Variants in EDIL3 observed in about 807,000 individuals in gnomAD.
The protein encoded by EDIL3 is EGF like and discoidin domains 3, also known as EGF-like repeat and discoidin I-like domain-containing protein 3.
A neutral mutation model predicts 67.4 loss-of-function variants in EDIL3; 37 were observed. The ratio of observed to expected loss-of-function variants is 0.55; its 90% CI spans 0.42 to 0.72. EDIL3 has a LOEUF of 0.72. EDIL3 is among the 30% of genes least tolerant of loss of function. EDIL3 has a pLI of 0.00. For missense variants in EDIL3, 527 were observed against 586.3 expected, an observed-to-expected ratio of 0.90 and a Z score of 1.04; for synonymous variants, 195 against 196.3, an observed-to-expected ratio of 0.99 and a Z score of 0.05.
chr5:84,091,318 G>T (rs1747162370), intron 6 of EDIL3, among the ~76,000 whole-genome samples: 1 of 152,234 alleles, frequency 6.6e-6, no homozygotes, highest in Non-Finnish European at 1.5e-5. Context: ...TGAAACTGCA[G>T]CACATAGTGC....
At chr5:84,093,340 G>C (rs1238199747) in intron 6 of EDIL3, among the ~76,000 whole-genome samples, 3 of 152,134 alleles carry the variant, frequency 2.0e-5, no homozygotes, top group Non-Finnish European at 4.4e-5. Context: ...AGAAGGAAAA[G>C]CAAACAATGA....
intron 3 of EDIL3, among the ~76,000 whole-genome samples, chr5:84,195,354 T>G (rs888458582): frequency 6.6e-6 from 1 of 151,998 alleles, no homozygotes; most frequent in Non-Finnish European, 1.5e-5. Flanking sequence ...GAACTGTCCC[T>G]CTTTAAGATC....
rs536840493 is a variant in EDIL3, at chr5:84,074,980, A to C, written c.652-8374T>G. Among the ~76,000 whole-genome samples, 17 of 152,328 alleles carry C rather than the reference A, an allele frequency of 1.1e-4. No individual in the cohort carries two copies. In the South Asian group the frequency reaches 3.3e-3, roughly 30 times the overall value. ...TCCAACAATGATAGACTGGATTAAG[A>C]AAATGTGGCACATATATACCATGGA... On this transcript the variant is annotated intron_variant, in intron 6 of 10. Transcript: ENST00000296591.
At chr5:83,970,651 A>G (rs199982701) in intron 9 of EDIL3, among the ~76,000 whole-genome samples, 12 of 14,242 alleles carry the variant, frequency 8.4e-4, no homozygotes, top group South Asian at 0.024. Flanking sequence ...CAGTATATAT[A>G]TATATATATA....
rs540462755 is a variant in EDIL3, at chr5:84,256,325, G to C, written c.68-2113C>G. On this transcript the variant is annotated intron_variant, in intron 1 of 10. Coordinates refer to ENST00000296591, the MANE Select transcript of EDIL3 (RefSeq NM_005711.5). ...AATAACAGACTATGGAGCTTAGTGGGAGAGATAAAAATGCAGGAACAATTA... is the reference window on the plus strand; with the variant it reads ...AATAACAGACTATGGAGCTTAGTGGCAGAGATAAAAATGCAGGAACAATTA... Among the ~76,000 whole-genome samples, 3 of 152,090 alleles carry C rather than the reference G, an allele frequency of 2.0e-5. No homozygotes were observed. In the East Asian group the frequency reaches 5.8e-4, roughly 29 times the overall value.
intron 1 of EDIL3, among the ~76,000 whole-genome samples, chr5:84,364,428 T>C (rs1288763509): frequency 2.6e-5 from 4 of 152,168 alleles, no homozygotes; most frequent in East Asian, 3.9e-4. Context: ...TGCAGAGTTA[T>C]ACAATCCTAT....
chr5:84,117,179 C>T (rs973753859), intron 5 of EDIL3, among the ~76,000 whole-genome samples: 3 of 151,892 alleles, frequency 2.0e-5, no homozygotes, highest in Admixed American at 6.6e-5. Flanking sequence ...AGGCGCCCAC[C>T]ATCACGCCCG....
chr5:84,131,233 C>T (rs978095678), intron 5 of EDIL3, among the ~76,000 whole-genome samples: 4 of 151,928 alleles, frequency 2.6e-5, no homozygotes, highest in African/African-American at 9.7e-5. Context: ...TTTAATCTGC[C>T]TATCAATCTA....
At chr5:83,954,683 C>T (rs1286086159) in intron 10 of EDIL3, among the ~76,000 whole-genome samples, 2 of 151,756 alleles carry the variant, frequency 1.3e-5, no homozygotes, top group East Asian at 2.0e-4. Flanking sequence ...ATTCCTTAAT[C>T]GTAACACAAA....
intron 6 of EDIL3, among the ~76,000 whole-genome samples, chr5:84,084,465 T>C (rs1747032023): frequency 6.6e-6 from 1 of 152,176 alleles, no homozygotes; most frequent in African/African-American, 2.4e-5. Flanking sequence ...CATAAAAGAA[T>C]TGCATCTGTA....
chr5:84,200,458 A>G (rs975585177), intron 3 of EDIL3, among the ~76,000 whole-genome samples: 12 of 151,980 alleles, frequency 7.9e-5, no homozygotes, highest in African/African-American at 2.4e-4. Context: ...GACCTAAAGT[A>G]ACACCATAAG....
intron 5 of EDIL3, among the ~76,000 whole-genome samples, chr5:84,123,429 T>C (rs1022149465): frequency 2.6e-5 from 4 of 151,990 alleles, no homozygotes; most frequent in African/African-American, 9.7e-5. Context: ...AACATTCATA[T>C]ATGCATAAAC....
At chr5:84,092,744 TA>T (rs1353154466) in intron 6 of EDIL3, among the ~76,000 whole-genome samples, 1 of 151,900 alleles carries the variant, frequency 6.6e-6, no homozygotes, top group Non-Finnish European at 1.5e-5. Context: ...AATACATTTA[TA>T]AAAATGTGCA....
chr5:84,310,329 T>C (rs140279099), intron 1 of EDIL3, among the ~76,000 whole-genome samples: 10 of 152,268 alleles, frequency 6.6e-5, no homozygotes, highest in Admixed American at 1.3e-4. Context: ...AAAATAAAAA[T>C]ATTTTTACAC....
At chr5:84,284,575 T>C (rs1745772563) in intron 1 of EDIL3, among the ~76,000 whole-genome samples, 1 of 152,228 alleles carries the variant, frequency 6.6e-6, no homozygotes, top group African/African-American at 2.4e-5. Context: ...ATGATATTGA[T>C]ATTTCCAAGG....
intron 9 of EDIL3, among the ~76,000 whole-genome samples, chr5:84,045,255 G>A (rs1746200963): frequency 6.6e-6 from 1 of 152,092 alleles, no homozygotes; most frequent in African/African-American, 2.4e-5. Context: ...AATTCAAGAT[G>A]AGATTTGGGT....
At chr5:84,104,971 C>T (rs1747432064) in intron 6 of EDIL3, among the ~76,000 whole-genome samples, 1 of 151,930 alleles carries the variant, frequency 6.6e-6, no homozygotes, top group South Asian at 2.1e-4. Flanking sequence ...CAAACAGAAA[C>T]CCTGATGTAA....
chr5:84,220,300 G>A (rs1744316773), intron 3 of EDIL3, among the ~76,000 whole-genome samples: 1 of 152,080 alleles, frequency 6.6e-6, no homozygotes, highest in South Asian at 2.1e-4. Flanking sequence ...TACAGACAGT[G>A]CACATCCAGT....
chr5:84,332,112 T>TA (rs1354819016), intron 1 of EDIL3, among the ~76,000 whole-genome samples: 3 of 152,214 alleles, frequency 2.0e-5, no homozygotes, highest in Non-Finnish European at 4.4e-5. Context: ...CTCATGCCTA[T>TA]AATCACAACC....
Sources: gnomAD v4.1 joint callset for allele counts (sites outside exome capture counted in the v4.1 genomes callset) on GRCh38, gnomAD v4.1.1 for gene constraint, MANE v1.5 for transcripts, NCBI Gene and HGNC (gene_info 2026-07-23, HGNC 2026-07-21) for gene names.